Variants in VEPH1 observed in about 807,000 individuals in gnomAD.
The protein encoded by VEPH1 is ventricular zone-expressed PH domain-containing protein homolog 1.
VEPH1 carries 80 observed loss-of-function variants against 85.2 expected under a neutral mutation model. The ratio of observed to expected loss-of-function variants is 0.94; its 90% confidence interval spans 0.78 to 1.13. The LOEUF is 1.13. Ranked by LOEUF, VEPH1 falls within the 50% of genes most tolerant of loss-of-function variation. The pLI is 0.00. For missense variants in VEPH1, 955 were observed against 980.5 expected, an observed-to-expected ratio of 0.97 and a Z score of 0.35; for synonymous variants, 297 against 348.0, an observed-to-expected ratio of 0.85 and a Z score of 1.63.
chr3:157,500,576 T>C (rs995552075), intron 1 of VEPH1, among the ~76,000 whole-genome samples: 1 of 152,234 alleles, frequency 6.6e-6, no homozygotes. Flanking sequence ...AATCCAGTCA[T>C]TCATGAGTAG....
rs1736836144 is a variant in VEPH1, at chr3:157,470,503, C to T, written c.165G>A (p.Gln55=). The T allele has an allele frequency of 1.9e-6, 3 of 1,614,136 alleles. No individual in the cohort carries two copies. The highest frequency in any genetic ancestry group is 2.5e-6 in the Non-Finnish European group (3 of 1,180,036). The part of the protein sequence containing the change: ...SSDYQTNNND[Q]AVVEICITRI... The stretch of plus-strand genomic sequence containing the variant: ...TTGTGATACAGATTTCAACTACTGC[C>T]TGGTCATTGTTATTGGTTTGGTAAT... The change falls in exon 3 of 14, where the codon CAG becomes CAA. Residue 55 remains glutamine (Q), a synonymous_variant. Transcript: ENST00000362010.
At chr3:157,493,382 G>C in intron 2 of VEPH1, 1 of 419,592 alleles carries the variant, frequency 2.4e-6, no homozygotes, top group East Asian at 7.5e-5. Flanking sequence ...CTGGATCTGA[G>C]GGAAGGATGG....
At chr3:157,378,294 T>C (rs1195493913) in intron 7 of VEPH1, among the ~76,000 whole-genome samples, 3 of 138,092 alleles carry the variant, frequency 2.2e-5, no homozygotes, top group African/African-American at 8.3e-5. Flanking sequence ...ATGAAAATGC[T>C]ATTTTTGAAT....
intron 4 of VEPH1, chr3:157,438,029 GCGCGCGCGCACA>G: frequency 1.2e-6 from 1 of 844,934 alleles, no homozygotes; most frequent in Admixed American, 3.3e-5. Flanking sequence ...AAGCGCGCGC[GCGCGCGCGCACA>G]CACACACACA....
Position 157,429,466 on chromosome 3 carries a change from T to C in VEPH1, c.530-978A>G, listed in dbSNP as rs903606069. ...AAGGCCAGAATTTTCAGAATATCAA[T>C]ATCTAAATTTAACGAAAGCGTGATT... On this transcript the variant is annotated intron_variant, in intron 4 of 13. Transcript: ENST00000362010. Among the ~76,000 whole-genome samples, 5 of 152,202 alleles carry C rather than the reference T, an allele frequency of 3.3e-5. No homozygotes were observed. In the East Asian group the frequency reaches 9.6e-4, roughly 29 times the overall value.
In VEPH1 at chr3:157,292,157, T is replaced by C. The variant is rs182441313; in HGVS notation, c.2011-5483A>G. On this transcript the variant is annotated intron_variant, in intron 11 of 13. Transcript: ENST00000362010. Reference sequence around the variant, plus strand: ...TGTTGCCCAGGCTAGTCTTAGATGCTTGGGCTCAAACAATCTTTCCACCTC... The same window carrying C: ...TGTTGCCCAGGCTAGTCTTAGATGCCTGGGCTCAAACAATCTTTCCACCTC... 4.7e-4 allele frequency among the ~76,000 whole-genome samples: 71 copies of C among 152,304 alleles called. 1 individual carries two copies. The highest frequency in any genetic ancestry group is 2.5e-4 in the Non-Finnish European group (17 of 68,016).
intron 5 of VEPH1, 79 bp from the exon 6 acceptor site, chr3:157,414,169 A>G (rs1731728139): frequency 2.4e-6 from 3 of 1,225,296 alleles, no homozygotes; most frequent in Admixed American, 4.2e-5. Flanking sequence ...TAATTTTGAA[A>G]GCAAACTTTT....
chr3:157,369,204 A>AAAAAAAAAAAAACC (rs1727204831), intron 7 of VEPH1, among the ~76,000 whole-genome samples: 1 of 146,160 alleles, frequency 6.8e-6, no homozygotes, highest in African/African-American at 2.5e-5. Flanking sequence ...AAAAAAAAAA[A>AAAAAAAAAAAAACC]CCTCCTGAGG....
In VEPH1 at chr3:157,491,663, C is replaced by A. The variant is rs575380755; in HGVS notation, c.138+3549G>T. On this transcript the variant is annotated intron_variant, in intron 2 of 13. Transcript: ENST00000362010. ...TTGTTTGCCACATTTTTGGATTCCA[C>A]AAAGCTGAAAGTGCTAAGTAATATA... 1.6e-4 allele frequency among the ~76,000 whole-genome samples: 25 copies of A among 151,908 alleles called. 1 individual carries two copies. In the South Asian group the frequency reaches 5.0e-3, roughly 30 times the overall value.
At chr3:157,491,925 C>T (rs1184183049) in intron 2 of VEPH1, among the ~76,000 whole-genome samples, 1 of 152,108 alleles carries the variant, frequency 6.6e-6, no homozygotes. Flanking sequence ...AGCAATTGGT[C>T]TGAGTATTGG....
At chr3:157,480,830 G>C (rs1737974126) in intron 2 of VEPH1, among the ~76,000 whole-genome samples, 1 of 152,048 alleles carries the variant, frequency 6.6e-6, no homozygotes, top group African/African-American at 2.4e-5. Context: ...GGAATTGCTG[G>C]GTCAAGTGGT....
intron 9 of VEPH1, among the ~76,000 whole-genome samples, chr3:157,326,366 G>C (rs767931268): frequency 2.5e-4 from 38 of 152,154 alleles, no homozygotes; most frequent in Non-Finnish European, 5.4e-4. Context: ...TGATAGAGTA[G>C]ATATTCAACA....
chr3:157,282,786 G>C (rs544364308), intron 12 of VEPH1, among the ~76,000 whole-genome samples: 2 of 152,320 alleles, frequency 1.3e-5, no homozygotes, highest in Admixed American at 1.3e-4. Flanking sequence ...AACTGATAAA[G>C]AAGATTAGCT....
chr3:157,340,412 G>A (rs1723414444), intron 9 of VEPH1, among the ~76,000 whole-genome samples: 1 of 152,186 alleles, frequency 6.6e-6, no homozygotes, highest in Admixed American at 6.5e-5. Context: ...TGCCCATGGA[G>A]CCTCGCTCAT....
intron 6 of VEPH1, among the ~76,000 whole-genome samples, chr3:157,403,982 A>C (rs966200514): frequency 3.3e-5 from 5 of 152,140 alleles, no homozygotes; most frequent in South Asian, 2.1e-4. Flanking sequence ...TCTGAGTAAC[A>C]CTCAATGCTG....
Position 157,470,215 on chromosome 3 carries a change from A to T in VEPH1, c.354+99T>A. ...CTTGTAGTGTCTTTTTACAGTATCT[A>T]AATGCTGCAGAAGCATTGGCTCTTG... On this transcript the variant is annotated intron_variant, in intron 3 of 13. Coordinates refer to ENST00000362010, the MANE Select transcript of VEPH1 (RefSeq NM_001167912.2). The T allele has an allele frequency of 9.1e-6, 10 of 1,099,676 alleles. No homozygotes were observed. In the South Asian group the frequency reaches 1.4e-4, roughly 16 times the overall value. 68.1% of individuals were successfully genotyped at this position (1,099,676 alleles called of 1,614,324 possible).
chr3:157,292,552 C>T (rs1717612903), intron 11 of VEPH1, among the ~76,000 whole-genome samples: 2 of 151,774 alleles, frequency 1.3e-5, no homozygotes, highest in South Asian at 2.1e-4. Flanking sequence ...ATTAGCTGGG[C>T]GTGGTGGCAG....
chr3:157,279,312 G>T (rs141973939), intron 12 of VEPH1, among the ~76,000 whole-genome samples: 1 of 152,158 alleles, frequency 6.6e-6, no homozygotes, highest in Non-Finnish European at 1.5e-5. Flanking sequence ...ATTGGTTTAC[G>T]GAATGGAATA....
intron 4 of VEPH1, chr3:157,437,447 C>A: frequency 6.5e-7 from 1 of 1,549,238 alleles, no homozygotes; most frequent in East Asian, 2.4e-5. Flanking sequence ...GGGAGGTCAG[C>A]TTTTACAAAG....
Sources: gnomAD v4.1 joint callset for allele counts (sites outside exome capture counted in the v4.1 genomes callset) on GRCh38, gnomAD v4.1.1 for gene constraint, MANE v1.5 for transcripts, NCBI Gene and HGNC (gene_info 2026-07-23, HGNC 2026-07-21) for gene names.